Variants in LRCH1 observed in about 807,000 individuals in gnomAD.
LRCH1 encodes the protein leucine rich repeats and calponin homology domain containing 1.
A neutral mutation model predicts 94.9 loss-of-function variants in LRCH1; 23 were observed. That is an observed-to-expected ratio of 0.24 (90% CI 0.17 to 0.34). LRCH1 has a LOEUF of 0.34. LRCH1 is among the 10% of genes least tolerant of loss of function. The pLI is 1.00. For synonymous variants in LRCH1, 364 were observed against 354.9 expected (o/e 1.03, Z -0.29); for missense variants, 790 against 945.9 (o/e 0.84, Z 2.16).
intron 10 of LRCH1, 76 bp downstream of exon 10, chr13:46,699,479 A>G (rs950106863): frequency 2.3e-5 from 31 of 1,340,958 alleles, no homozygotes; most frequent in Non-Finnish European, 2.9e-5. Flanking sequence ...TTCTGTTGTG[A>G]TAGAATTTTG....
chr13:46,567,610 C>CAACTCTTAG (rs1254357817), intron 1 of LRCH1, among the ~76,000 whole-genome samples: 1 of 151,676 alleles, frequency 6.6e-6, no homozygotes, highest in East Asian at 1.9e-4. Context: ...GGCTTGTAAT[C>CAACTCTTAG]AACTCTTAGC....
At chr13:46,674,068 C>T (rs921300124) in intron 3 of LRCH1, among the ~76,000 whole-genome samples, 2 of 152,172 alleles carry the variant, frequency 1.3e-5, no homozygotes, top group Admixed American at 6.5e-5. Flanking sequence ...AGGCATGAGC[C>T]ACCATGCTTG....
chr13:46,708,254 C>T (rs1871868881), intron 13 of LRCH1, among the ~76,000 whole-genome samples: 1 of 148,628 alleles, frequency 6.7e-6, no homozygotes, highest in African/African-American at 2.5e-5. Flanking sequence ...ATAGTTTTGT[C>T]TAGGTCTAGT....
At position 46,712,580 on chromosome 13, in the gene LRCH1, G is replaced by T. The variant is rs574271235; in HGVS notation, c.1637G>T (p.Gly546Val). ...SPTTNSTAPF[G>V]LKPRSDPALI... ...ACCACAAACAGCACAGCTCCATTTG[G>T]CCTGAAGCCTCGATCAGGTAAATGA... is the stretch of plus-strand genomic sequence containing the variant. The change falls in exon 15 of 20, where the codon GGC becomes GTC. Residue 546 changes from glycine to valine, a missense_variant. Transcript: ENST00000389797. 1 of 1,613,816 alleles carries T rather than the reference G, an allele frequency of 6.2e-7. No individual in the cohort carries two copies. Among genetic ancestry groups the T allele is most frequent in the Non-Finnish European group, 8.5e-7 (1 of 1,179,786 alleles).
Position 46,623,278 on chromosome 13 carries a change from T to C in LRCH1, c.308-26923T>C, listed in dbSNP as rs575859778. Among the ~76,000 whole-genome samples, 3 of 152,194 alleles carry C rather than the reference T, an allele frequency of 2.0e-5. No homozygotes were observed. In the South Asian group the frequency reaches 6.2e-4, roughly 32 times the overall value. ...CAATCTTGGTGAAAGATAATGCTTG[T>C]GGTTATTAGAATGTGTAGACTGAGT... On this transcript the variant is annotated intron_variant, in intron 1 of 19. Coordinates refer to ENST00000389797, the MANE Select transcript of LRCH1 (RefSeq NM_001164211.2).
At chr13:46,723,079 T>C (rs1302706217) in intron 16 of LRCH1, 142 bp from the exon 17 acceptor site, 2 of 536,456 alleles carry the variant, frequency 3.7e-6, no homozygotes, top group Non-Finnish European at 6.6e-6. Flanking sequence ...GCCAGGCTTT[T>C]CTTGTGGATT....
intron 11 of LRCH1, among the ~76,000 whole-genome samples, chr13:46,702,451 G>A (rs1339673726): frequency 2.0e-5 from 3 of 152,146 alleles, no homozygotes; most frequent in South Asian, 2.1e-4. Flanking sequence ...GCAGCGAGCC[G>A]AGATCGTGCC....
chr13:46,752,823 G>A (rs994995828), exon 19 of LRCH1: 2 of 151,934 alleles, frequency 1.3e-5, no homozygotes, highest in Admixed American at 6.6e-5. Context: ...GAAGTTGGTT[G>A]TGTAATGTAA....
intron 2 of LRCH1, among the ~76,000 whole-genome samples, chr13:46,667,544 G>A (rs1359773985): frequency 8.0e-6 from 1 of 124,870 alleles, no homozygotes; most frequent in Non-Finnish European, 1.7e-5. Context: ...GGGGAGGGGG[G>A]GAGGGATAGC....
rs774697246 is a variant in LRCH1 at position 46,667,525 on chromosome 13, G to A, written c.453-1505G>A. Among the ~76,000 whole-genome samples, 555 of 69,940 alleles carry A rather than the reference G, an allele frequency of 7.9e-3. 5 individuals carry two copies. Among genetic ancestry groups the A allele is most frequent in the Admixed American group, 0.014 (87 of 6,202 alleles). 45.9% of individuals were successfully genotyped at this position (69,940 alleles called of 152,430 possible). On this transcript the variant is annotated intron_variant, in intron 2 of 19. Transcript: ENST00000389797. The stretch of plus-strand genomic sequence containing the variant: ...GGAACATCACACACCGGGGCCTGTC[G>A]TGGGGTGGGGGGAGGGGGGGAGGGA...
intron 1 of LRCH1, among the ~76,000 whole-genome samples, chr13:46,586,705 C>T (rs967626614): frequency 6.6e-6 from 1 of 152,206 alleles, no homozygotes; most frequent in South Asian, 2.1e-4. Context: ...AGGCGTGAGC[C>T]ACCATGCCCA....
At position 46,626,339 on chromosome 13, in the gene LRCH1, A is replaced by G. The variant is rs146299210; in HGVS notation, c.308-23862A>G. ...CCCTGTGACTTAAACGTATACATCC[A>G]GATGGCCTGAAGTAACTGAAGATCC... is the stretch of plus-strand genomic sequence containing the variant. On this transcript the variant is annotated intron_variant, in intron 1 of 19. Coordinates refer to ENST00000389797, the MANE Select transcript of LRCH1 (RefSeq NM_001164211.2). Among the ~76,000 whole-genome samples, 438 of 152,322 alleles carry G rather than the reference A, an allele frequency of 2.9e-3. 5 individuals carry two copies. Among genetic ancestry groups the G allele is most frequent in the African/African-American group, 0.01 (416 of 41,576 alleles).
intron 18 of LRCH1, among the ~76,000 whole-genome samples, chr13:46,733,533 T>C (rs1873217108): frequency 6.6e-6 from 1 of 151,982 alleles, no homozygotes; most frequent in Non-Finnish European, 1.5e-5. Context: ...TATATATACG[T>C]GTGTGTGTGC....
chr13:46,697,104 T>C (rs960956615), intron 9 of LRCH1, among the ~76,000 whole-genome samples: 3 of 152,202 alleles, frequency 2.0e-5, no homozygotes, highest in Non-Finnish European at 2.9e-5. Context: ...TAATCCTGTT[T>C]TCTTTACTGA....
chr13:46,727,630 G>C (rs931082681), intron 17 of LRCH1, among the ~76,000 whole-genome samples: 1 of 152,184 alleles, frequency 6.6e-6, no homozygotes, highest in African/African-American at 2.4e-5. Flanking sequence ...AGCCTCCTGA[G>C]TAGCTGGGAG....
chr13:46,678,633 A>C (rs774738279), intron 3 of LRCH1, among the ~76,000 whole-genome samples: 4 of 152,230 alleles, frequency 2.6e-5, no homozygotes, highest in Non-Finnish European at 5.9e-5. Context: ...AGAAGGAAAA[A>C]AACTTGTATT....
chr13:46,609,768 C>G (rs968247924), intron 1 of LRCH1, among the ~76,000 whole-genome samples: 2 of 152,036 alleles, frequency 1.3e-5, no homozygotes, highest in Admixed American at 6.5e-5. Context: ...AAATTTATAG[C>G]TGTAAAGTAA....
Position 46,692,652 on chromosome 13 carries a change from A to G in LRCH1, c.1120+11A>G. 4.4e-6 allele frequency: 7 copies of G among 1,598,904 alleles called. No homozygotes were observed. Among genetic ancestry groups the G allele is most frequent in the Non-Finnish European group, 6.0e-6 (7 of 1,167,034 alleles). ...TTAGCCCCGTTAAAGGTCTGAGAATAAAAATGTGGAGAAAGTGCTTGTTTT... is the reference window on the plus strand; with the variant it reads ...TTAGCCCCGTTAAAGGTCTGAGAATGAAAATGTGGAGAAAGTGCTTGTTTT... On this transcript the variant is annotated intron_variant, in intron 8 of 19. Coordinates refer to ENST00000389797, the MANE Select transcript of LRCH1 (RefSeq NM_001164211.2).
intron 1 of LRCH1, among the ~76,000 whole-genome samples, chr13:46,630,151 C>G (rs997999915): frequency 7.2e-5 from 11 of 152,184 alleles, no homozygotes; most frequent in Admixed American, 6.5e-5. Flanking sequence ...TTGCCACTCA[C>G]TCAATGACTG....
Sources: gnomAD v4.1 joint callset for allele counts (sites outside exome capture counted in the v4.1 genomes callset) on GRCh38, gnomAD v4.1.1 for gene constraint, MANE v1.5 for transcripts, NCBI Gene and HGNC (gene_info 2026-07-23, HGNC 2026-07-21) for gene names.